The following CTNNA3 variants were observed in gnomAD, a reference collection of about 807,000 sequenced individuals.
The protein encoded by CTNNA3 is catenin alpha 3.
Under a neutral mutation model 95.7 loss-of-function variants are expected in CTNNA3, and 76 were observed. That is an observed-to-expected ratio of 0.79 (90% confidence interval 0.66 to 0.96). The LOEUF is 0.96. Among genes scored for constraint, CTNNA3 ranks in the 40% least tolerant of loss-of-function variants. The pLI is 0.00. For missense variants in CTNNA3, 1,191 were observed against 1,089.8 expected (o/e 1.09, Z -1.31); for synonymous variants, 431 against 374.4 (o/e 1.15, Z -1.74).
At chr10:66,291,538 C>T (rs1374981467) in intron 12 of CTNNA3, among the ~76,000 whole-genome samples, 2 of 152,050 alleles carry the variant, frequency 1.3e-5, no homozygotes, top group East Asian at 3.9e-4. Context: ...TGAATTTGTT[C>T]AAACGTCCAG....
Position 66,921,020 on chromosome 10 carries a change from T to C in CTNNA3, c.1048-145496A>G, listed in dbSNP as rs74141734. Among the ~76,000 whole-genome samples the C allele has an allele frequency of 4.9e-3, 739 of 152,332 alleles. 5 individuals carry two copies. Among genetic ancestry groups the C allele is most frequent in the African/African-American group, 0.017 (692 of 41,574 alleles). ...GATCATCTCAGTCAGTCTGTGCTTC[T>C]ATAAACAAAAATACTATATCCTGGG... On this transcript the variant is annotated intron_variant, in intron 7 of 17. Transcript: ENST00000433211.
intron 1 of CTNNA3, among the ~76,000 whole-genome samples, chr10:67,759,106 A>C (rs1197038206): frequency 6.6e-6 from 1 of 152,220 alleles, no homozygotes; most frequent in Non-Finnish European, 1.5e-5. Flanking sequence ...ACCCACAATT[A>C]ATTGCTGAAG....
chr10:67,018,667 C>G (rs1019902394), intron 7 of CTNNA3, among the ~76,000 whole-genome samples: 1 of 152,196 alleles, frequency 6.6e-6, no homozygotes, highest in African/African-American at 2.4e-5. Context: ...GCCTTTTTAA[C>G]CGTGGACAAG....
chr10:66,657,715 T>G (rs913110557), intron 9 of CTNNA3, among the ~76,000 whole-genome samples: 2 of 152,194 alleles, frequency 1.3e-5, no homozygotes, highest in Non-Finnish European at 2.9e-5. Flanking sequence ...TTTCCACCCA[T>G]TTTTCAATAA....
chr10:66,490,738 C>T (rs185033502), intron 11 of CTNNA3, among the ~76,000 whole-genome samples: 1 of 152,242 alleles, frequency 6.6e-6, no homozygotes, highest in African/African-American at 2.4e-5. Flanking sequence ...ATAGCAATTC[C>T]TAGCAGAAGC....
chr10:67,269,185 C>A (rs966476175), intron 5 of CTNNA3, among the ~76,000 whole-genome samples: 9 of 151,992 alleles, frequency 5.9e-5, no homozygotes, highest in Non-Finnish European at 1.3e-4. Flanking sequence ...GTCAAGTTAA[C>A]CTTTTTATAA....
At position 67,237,173 on chromosome 10, in the gene CTNNA3, T is replaced by TACACACAC. The variant is rs1451071914; in HGVS notation, c.580-17311_580-17304dup. On this transcript the variant is annotated intron_variant, in intron 5 of 17. Coordinates refer to ENST00000433211, the MANE Select transcript of CTNNA3 (RefSeq NM_013266.4). Reference sequence around the variant, plus strand: ...ATATATATATATATATATATATATATACACACACAATGGAATACTACTCAG... The same window carrying TACACACAC: ...ATATATATATATATATATATATATATACACACACACACACACAATGGAATACTACTCAG... Among the ~76,000 whole-genome samples, 44 of 112,816 alleles carry TACACACAC rather than the reference T, an allele frequency of 3.9e-4. 1 individual carries two copies. The highest frequency in any genetic ancestry group is 1.4e-3 in the African/African-American group (41 of 29,544). 74.0% of individuals were successfully genotyped at this position (112,816 alleles called of 152,430 possible).
At chr10:67,419,915 G>T (rs1004162272) in intron 5 of CTNNA3, among the ~76,000 whole-genome samples, 1 of 151,738 alleles carries the variant, frequency 6.6e-6, no homozygotes, top group East Asian at 1.9e-4. Flanking sequence ...GCAGTGGCAC[G>T]ATCTTGGCTC....
At chr10:66,224,611 C>T (rs1172218335) in intron 13 of CTNNA3, among the ~76,000 whole-genome samples, 2 of 152,084 alleles carry the variant, frequency 1.3e-5, no homozygotes, top group Admixed American at 6.6e-5. Context: ...GTTAACTTGT[C>T]TAATGTAATT....
At chr10:66,505,351 A>G (rs72791597) in intron 11 of CTNNA3, among the ~76,000 whole-genome samples, 23,154 of 152,128 alleles carry the variant, frequency 0.15, 1,822 homozygotes, top group Non-Finnish European at 0.17. Context: ...TTCTGAATAC[A>G]CACTTTCTCT....
At chr10:67,558,699 G>C (rs1027299208) in intron 3 of CTNNA3, among the ~76,000 whole-genome samples, 11 of 152,264 alleles carry the variant, frequency 7.2e-5, no homozygotes, top group Non-Finnish European at 1.2e-4. Context: ...CCTCACTCGA[G>C]AAGCGCAAGG....
chr10:66,096,732 C>A (rs1388977603), intron 14 of CTNNA3, among the ~76,000 whole-genome samples: 1 of 152,014 alleles, frequency 6.6e-6, no homozygotes, highest in Non-Finnish European at 1.5e-5. Context: ...CCATGTTGGC[C>A]AGGCTGGTCT....
intron 9 of CTNNA3, among the ~76,000 whole-genome samples, chr10:66,664,952 ATC>A (rs1846395998): frequency 6.6e-6 from 1 of 151,378 alleles, no homozygotes; most frequent in Non-Finnish European, 1.5e-5. Context: ...GGACCCAGAC[ATC>A]TCTGTTTTGT....
intron 7 of CTNNA3, among the ~76,000 whole-genome samples, chr10:67,115,326 TG>T (rs1330051545): frequency 1.4e-5 from 2 of 144,616 alleles, no homozygotes; most frequent in African/African-American, 5.4e-5. Flanking sequence ...GTAACAGATT[TG>T]GGGACTGTTG....
chr10:66,860,286 G>A (rs1363317835), intron 7 of CTNNA3, among the ~76,000 whole-genome samples: 1 of 152,114 alleles, frequency 6.6e-6, no homozygotes, highest in Admixed American at 6.6e-5. Context: ...CCAAAATCAA[G>A]AAATGCCATT....
Position 65,917,097 on chromosome 10 carries a change from C to T in CTNNA3, c.*3233G>A, listed in dbSNP as rs1382884704. On this transcript the variant is annotated 3_prime_UTR_variant, in exon 18 of 18. Transcript: ENST00000433211. ...GCTATGGAGGACCTTATTCCCTGTA[C>T]ATAAGAGATTTTTATGGGGAACAAA... The T allele has an allele frequency of 6.6e-6, 1 of 152,140 alleles. No homozygotes were observed. The highest frequency in any genetic ancestry group is 2.1e-4 in the South Asian group (1 of 4,826). 9.4% of individuals were successfully genotyped at this position (152,140 alleles called of 1,614,324 possible). A position where few individuals can be genotyped will look rare whatever the true frequency, so the allele number is the denominator to read the frequency against.
rs141831177 is a variant in CTNNA3 at position 66,898,733 on chromosome 10, A to C, written c.1048-123209T>G. On this transcript the variant is annotated intron_variant, in intron 7 of 17. Transcript: ENST00000433211. ...AATAGATTACAGATTTACATGTAAAATCTGGCAATGTAAAACTCCTAGAAG... is the reference window on the plus strand; with the variant it reads ...AATAGATTACAGATTTACATGTAAACTCTGGCAATGTAAAACTCCTAGAAG... 1.2e-4 allele frequency among the ~76,000 whole-genome samples: 19 copies of C among 152,320 alleles called. 1 individual carries two copies. In the East Asian group the frequency reaches 3.5e-3, roughly 28 times the overall value.
At chr10:66,264,373 G>A (rs1209675657) in intron 13 of CTNNA3, among the ~76,000 whole-genome samples, 1 of 151,954 alleles carries the variant, frequency 6.6e-6, no homozygotes, top group Admixed American at 6.6e-5. Flanking sequence ...AATATGTTTT[G>A]AATTTGTTTA....
At chr10:66,007,813 C>T (rs891934107) in intron 15 of CTNNA3, among the ~76,000 whole-genome samples, 14 of 134,642 alleles carry the variant, frequency 1.0e-4, no homozygotes, top group Admixed American at 8.4e-4. Context: ...CTCCCTCGCT[C>T]CCTCCCTTTC....
Sources: allele counts gnomAD v4.1 joint callset (sites outside exome capture counted in the v4.1 genomes callset), GRCh38; gene constraint gnomAD v4.1.1; transcripts MANE v1.5; gene names NCBI Gene and HGNC (gene_info 2026-07-23, HGNC 2026-07-21).